Variants in RGS9 observed in about 807,000 individuals in gnomAD.
RGS9 encodes the protein regulator of G protein signaling 9, also known as regulator of G-protein signalling 9.
Under a neutral mutation model 102.0 loss-of-function variants are expected in RGS9, and 78 were observed. The ratio of observed to expected loss-of-function variants is 0.76; its 90% confidence interval spans 0.64 to 0.92. The LOEUF (loss-of-function observed/expected upper bound fraction) is 0.92. Among genes scored for constraint, RGS9 ranks in the 40% least tolerant of loss-of-function variants. The pLI is 0.00. For missense variants in RGS9, 833 were observed against 866.1 expected (o/e 0.96, Z 0.48); for synonymous variants, 353 against 318.6 (o/e 1.11, Z -1.15).
At chr17:65,226,615 G>GT (rs1202429714) in intron 18 of RGS9, among the ~76,000 whole-genome samples, 1 of 145,122 alleles carries the variant, frequency 6.9e-6, no homozygotes, top group Non-Finnish European at 1.5e-5. Flanking sequence ...GTTTGTCTGG[G>GT]TGTTTTTTTT....
At chr17:65,185,430 G>A (rs1384988955) in intron 9 of RGS9, 1 of 152,756 alleles carries the variant, frequency 6.5e-6, no homozygotes, top group Non-Finnish European at 1.5e-5. Flanking sequence ...GCGTCTAAGA[G>A]TTGAAATGCA....
intron 1 of RGS9, among the ~76,000 whole-genome samples, chr17:65,142,020 G>T (rs1378757182): frequency 6.6e-6 from 1 of 152,212 alleles, no homozygotes; most frequent in Non-Finnish European, 1.5e-5. Context: ...ACTTTGGGAG[G>T]CTGAGGTGGA....
At chr17:65,189,545 A>G (rs1912277560) in intron 10 of RGS9, among the ~76,000 whole-genome samples, 2 of 152,236 alleles carry the variant, frequency 1.3e-5, no homozygotes, top group South Asian at 4.1e-4. Flanking sequence ...TCGAAGGCAC[A>G]GAGCTGAGGG....
intron 8 of RGS9, among the ~76,000 whole-genome samples, chr17:65,176,533 A>G (rs891953246): frequency 2.0e-5 from 3 of 152,226 alleles, no homozygotes; most frequent in Non-Finnish European, 4.4e-5. Context: ...ACTTTCCCAA[A>G]GCACTGCTCT....
chr17:65,140,378 C>T (rs532726027), intron 1 of RGS9, among the ~76,000 whole-genome samples: 2 of 152,162 alleles, frequency 1.3e-5, no homozygotes, highest in South Asian at 4.2e-4. Flanking sequence ...CGCACAGAGG[C>T]ATGGGAAAGC....
chr17:65,176,750 TCCAC>T (rs1205754117), intron 8 of RGS9, among the ~76,000 whole-genome samples: 136 of 133,014 alleles, frequency 1.0e-3, no homozygotes, highest in African/African-American at 4.2e-3. Context: ...CATCCATCCA[TCCAC>T]CCATCCACCC....
chr17:65,162,508 C>A lies in RGS9; in HGVS notation c.424-505C>A, dbSNP rs566785619. 4.6e-5 allele frequency among the ~76,000 whole-genome samples: 7 copies of A among 152,238 alleles called. No individual in the cohort carries two copies. The East Asian group carries it at 1.2e-3, about 25-fold the overall frequency. On this transcript the variant is annotated intron_variant, in intron 6 of 18. Coordinates refer to ENST00000262406, the MANE Select transcript of RGS9 (RefSeq NM_003835.4). ...GAGGAAGTCTCACTCTGTCACCCAG[C>A]CTGGAGTGCAGTAGCACAATCTTGG...
intron 9 of RGS9, among the ~76,000 whole-genome samples, chr17:65,183,101 T>TATCTATCTATCTATCTATCTATCCATCC (rs1479268031): frequency 8.3e-4 from 124 of 149,314 alleles, no homozygotes; most frequent in African/African-American, 3.0e-3. Context: ...TCTATCTATC[T>TATCTATCTATCTATCTATCTATCCATCC]ATCTATCTAC....
At position 65,177,805 on chromosome 17, in the gene RGS9, T is replaced by C. The variant is rs751259650; in HGVS notation, c.654+2T>C. 5 of 1,613,702 alleles carry C rather than the reference T, an allele frequency of 3.1e-6. No individual in the cohort carries two copies. Among genetic ancestry groups the C allele is most frequent in the African/African-American group, 1.3e-5 (1 of 74,900 alleles). ...CCGAATGAAGTCAAGGTAAACCAGG[T>C]ATGTCTCTGCTGCATAGTTTGGGTA... On this transcript the variant is annotated splice_donor_variant, in intron 9 of 18. Transcript: ENST00000262406. LOFTEE classifies it high-confidence loss of function.
At chr17:65,177,334 C>T (rs1306260917) in intron 8 of RGS9, among the ~76,000 whole-genome samples, 3 of 152,046 alleles carry the variant, frequency 2.0e-5, no homozygotes, top group African/African-American at 7.2e-5. Context: ...GCCATCCATC[C>T]ATCCATCCAT....
At chr17:65,164,015 C>T (rs1374091131) in intron 7 of RGS9, among the ~76,000 whole-genome samples, 1 of 152,210 alleles carries the variant, frequency 6.6e-6, no homozygotes, top group African/African-American at 2.4e-5. Flanking sequence ...GTTGCCATAT[C>T]AGAACTGGAA....
intron 8 of RGS9, among the ~76,000 whole-genome samples, chr17:65,177,078 CATCCA>C (rs1911662279): frequency 6.6e-6 from 1 of 151,710 alleles, no homozygotes; most frequent in Non-Finnish European, 1.5e-5. Context: ...TCCATCCATC[CATCCA>C]TCCATCCATC....
rs879223423 is a variant in RGS9, at chr17:65,225,204, A to C, written c.1610A>C (p.Glu537Ala). ...GCCTTGGAGAGCTCATCGGGCTTGG[A>C]GCAGAAAGGGGAGTGCAGCGGGTCC... ...RVALESSSGL[E>A]QKGECSGSMA... is the part of the protein sequence containing the mutation. The change falls in exon 18 of 19, where the codon GAG becomes GCG. Residue 537 changes from glutamate (E) to alanine (A), a missense_variant. By Grantham distance (107) the Glu-to-Ala change is moderately radical. Around this residue, in one of 3 missense-constraint regions of RGS9, gnomAD observed 320 missense variants for 276.8 expected, o/e 1.16. Coordinates refer to ENST00000262406, the MANE Select transcript of RGS9 (RefSeq NM_003835.4). The C allele has an allele frequency of 6.2e-7, 1 of 1,612,818 alleles. No individual in the cohort carries two copies. The highest frequency in any genetic ancestry group is 1.1e-5 in the South Asian group (1 of 91,072).
chr17:65,166,430 T>C (rs1216610405), intron 7 of RGS9, among the ~76,000 whole-genome samples: 1 of 152,234 alleles, frequency 6.6e-6, no homozygotes. Flanking sequence ...TGACTGTGTA[T>C]GTGATGTTTA....
intron 11 of RGS9, among the ~76,000 whole-genome samples, chr17:65,191,435 C>T (rs1305169154): frequency 1.3e-5 from 2 of 151,684 alleles, no homozygotes; most frequent in East Asian, 1.9e-4. Flanking sequence ...CTGGGCCCGT[C>T]GAGGTGCCTC....
At chr17:65,169,954 C>G (rs956160703) in intron 8 of RGS9, among the ~76,000 whole-genome samples, 2 of 151,844 alleles carry the variant, frequency 1.3e-5, no homozygotes, top group African/African-American at 4.8e-5. Context: ...CCCTTATTGT[C>G]TTCATCACTG....
rs115394350 is a variant in RGS9, at chr17:65,171,361, C to T, written c.582+3080C>T. On this transcript the variant is annotated intron_variant, in intron 8 of 18. Coordinates refer to ENST00000262406, the MANE Select transcript of RGS9 (RefSeq NM_003835.4). The stretch of plus-strand genomic sequence containing the variant: ...ATGATGTAGGGAATATCACCATCCC[C>T]GTTATTCAGATGGAGAAATTGAGGC... Among the ~76,000 whole-genome samples the T allele has an allele frequency of 5.4e-3, 825 of 152,266 alleles. 11 individuals are homozygous for T. The highest frequency in any genetic ancestry group is 0.019 in the African/African-American group (787 of 41,538).
In RGS9 at chr17:65,161,005, G is replaced by A. The variant is rs1001159177; in HGVS notation, c.423+96G>A. 6.7e-5 allele frequency: 67 copies of A among 1,001,980 alleles called. No individual in the cohort carries two copies. The Admixed American group carries it at 9.3e-4, about 14-fold the overall frequency. The allele number at this position is 1,001,980 out of a possible 1,614,324, so 62.1% of individuals were successfully genotyped here. On this transcript the variant is annotated intron_variant, in intron 6 of 18. Coordinates refer to ENST00000262406, the MANE Select transcript of RGS9 (RefSeq NM_003835.4). The stretch of plus-strand genomic sequence containing the variant: ...TTCCCACATCACTACATTCATATGC[G>A]CCCACATTCATATGCAATCCATCCA...
intron 7 of RGS9, among the ~76,000 whole-genome samples, chr17:65,166,823 A>G (rs1911202233): frequency 6.6e-6 from 1 of 152,210 alleles, no homozygotes; most frequent in South Asian, 2.1e-4. Context: ...AAATCCAGTT[A>G]GGCTGTCAGG....
Sources: allele counts gnomAD v4.1 joint callset (sites outside exome capture counted in the v4.1 genomes callset), GRCh38; gene constraint gnomAD v4.1.1; regional missense constraint gnomAD v4.1.1; transcripts MANE v1.5; gene names NCBI Gene and HGNC (gene_info 2026-07-23, HGNC 2026-07-21).